HVCN1: variants seen among roughly 807,000 people sequenced by gnomAD.
HVCN1 encodes hydrogen voltage gated channel 1.
In HVCN1, 14 loss-of-function variants were observed where a neutral mutation model predicts 29.2. The observed-to-expected ratio is 0.48, with a 90% CI of 0.32 to 0.75. The LOEUF (loss-of-function observed/expected upper bound fraction) is 0.75, where lower values mean the gene tolerates loss of function less well. HVCN1 is among the 30% of genes least tolerant of loss of function. HVCN1 has a pLI of 0.04. For synonymous variants in HVCN1, 131 were observed against 133.2 expected (o/e 0.98, Z 0.11); for missense variants, 263 against 341.8 (o/e 0.77, Z 1.82).
chr12:110,674,293 AC>A (rs377280211), intron 3 of HVCN1, among the ~76,000 whole-genome samples: 10 of 152,010 alleles, frequency 6.6e-5, no homozygotes, highest in Admixed American at 5.9e-4. Flanking sequence ...AATACCTGTA[AC>A]CCCCCTGCAT....
intron 4 of HVCN1, among the ~76,000 whole-genome samples, chr12:110,660,754 T>C (rs954955299): frequency 4.6e-5 from 7 of 152,198 alleles, no homozygotes; most frequent in African/African-American, 1.7e-4. Flanking sequence ...GATTTGCCTG[T>C]TCTAGATGTT....
intron 3 of HVCN1, among the ~76,000 whole-genome samples, chr12:110,679,669 A>C (rs568708081): frequency 2.0e-5 from 3 of 151,896 alleles, no homozygotes. Context: ...CTGGCTAACA[A>C]GGTGAAACCC....
At chr12:110,704,699 C>T (rs2136519387) in intron 1 of HVCN1, among the ~76,000 whole-genome samples, 1 of 152,228 alleles carries the variant, frequency 6.6e-6, no homozygotes, top group South Asian at 2.1e-4. Flanking sequence ...AACACACCTC[C>T]CCAGGTAAAC....
intron 7 of HVCN1, among the ~76,000 whole-genome samples, chr12:110,649,851 TC>T (rs1474370799): frequency 1.3e-5 from 2 of 151,898 alleles, no homozygotes; most frequent in Admixed American, 1.3e-4. Context: ...TTCCCAGATA[TC>T]TTTTTTTTTT....
At chr12:110,690,670 G>GT (rs1459552473), upstream of HVCN1, among the ~76,000 whole-genome samples, 1 of 152,072 alleles carries the variant, frequency 6.6e-6, no homozygotes, top group African/African-American at 2.4e-5. Context: ...TAGAGACGGG[G>GT]TTTTACCATG....
In HVCN1 at chr12:110,661,702, G is replaced by A. The variant is rs967114308; in HGVS notation, c.22-254C>T. 3.4e-4 allele frequency among the ~76,000 whole-genome samples: 52 copies of A among 152,320 alleles called. 1 individual carries two copies. The highest frequency in any genetic ancestry group is 3.3e-3 in the Admixed American group (51 of 15,306). ...TGTGGTCTGGTTGGCAGTAACCAAC[G>A]GAATCAGTACTGCAGCCCGGTCCCA... On this transcript the variant is annotated intron_variant, in intron 3 of 7. Coordinates refer to ENST00000242607, the MANE Select transcript of HVCN1 (RefSeq NM_032369.4). The surrounding 1 kb of genome is among the most constrained non-coding windows in gnomAD (Gnocchi z 6.2).
intron 5 of HVCN1, among the ~76,000 whole-genome samples, chr12:110,652,025 A>G (rs2067830782): frequency 6.6e-6 from 1 of 152,240 alleles, no homozygotes; most frequent in African/African-American, 2.4e-5. Context: ...TGAATGAATG[A>G]ATGGAGGCAG....
chr12:110,664,044 G>A (rs1015161312), intron 3 of HVCN1, among the ~76,000 whole-genome samples: 4 of 151,966 alleles, frequency 2.6e-5, no homozygotes, highest in Admixed American at 2.0e-4. Context: ...CAACCTCCCG[G>A]GTAGTTTGGA....
At chr12:110,655,562 C>CT (rs2067961459) in intron 4 of HVCN1, among the ~76,000 whole-genome samples, 1 of 152,226 alleles carries the variant, frequency 6.6e-6, no homozygotes, top group African/African-American at 2.4e-5. Context: ...CGCCACCCTC[C>CT]TGGCCTGCTC....
intron 5 of HVCN1, among the ~76,000 whole-genome samples, chr12:110,653,619 A>G (rs894269031): frequency 2.6e-5 from 4 of 152,100 alleles, no homozygotes; most frequent in Non-Finnish European, 5.9e-5. Context: ...AAGTGGGCAG[A>G]TCACTTGAGG....
At chr12:110,694,261 T>C (rs2069456021), upstream of HVCN1, among the ~76,000 whole-genome samples, 1 of 152,180 alleles carries the variant, frequency 6.6e-6, no homozygotes. The surrounding 1 kb of genome is among the most constrained non-coding windows in gnomAD (Gnocchi z 4.6). Flanking sequence ...AGGGTCTCAC[T>C]ATGTTGCCTA....
At chr12:110,695,733 C>A (rs995985666) in intron 2 of HVCN1, among the ~76,000 whole-genome samples, 5 of 152,158 alleles carry the variant, frequency 3.3e-5, no homozygotes, top group Non-Finnish European at 7.3e-5. Context: ...AGAGGGACAA[C>A]CTTTTCAGAA....
intron 3 of HVCN1, among the ~76,000 whole-genome samples, chr12:110,665,883 G>C (rs1418554057): frequency 1.3e-5 from 2 of 152,164 alleles, no homozygotes; most frequent in East Asian, 3.9e-4. Flanking sequence ...GCACATGCCT[G>C]TAATCCCAGC....
At chr12:110,685,207 T>C (rs955930396) in intron 2 of HVCN1, among the ~76,000 whole-genome samples, 2 of 152,146 alleles carry the variant, frequency 1.3e-5, no homozygotes, top group African/African-American at 4.8e-5. Context: ...AAGAAGAGAT[T>C]GTGAGGACAG....
intron 2 of HVCN1, among the ~76,000 whole-genome samples, chr12:110,701,788 C>T (rs990505989): frequency 1.3e-5 from 2 of 150,752 alleles, no homozygotes; most frequent in Non-Finnish European, 3.0e-5. Flanking sequence ...ACCTGGGAGG[C>T]GAAGGTTGCA....
chr12:110,659,767 C>T (rs937441180), intron 4 of HVCN1, among the ~76,000 whole-genome samples: 1 of 151,700 alleles, frequency 6.6e-6, no homozygotes, highest in Admixed American at 6.6e-5. Flanking sequence ...AAAAAAAGCC[C>T]TTCTAAATGG....
chr12:110,677,953 G>A (rs2136402867), intron 3 of HVCN1, among the ~76,000 whole-genome samples: 1 of 152,328 alleles, frequency 6.6e-6, no homozygotes, highest in Admixed American at 6.5e-5. Context: ...TGGCAGGGCT[G>A]CATACAGACT....
chr12:110,653,454 G>A (rs988796049), intron 5 of HVCN1, among the ~76,000 whole-genome samples: 1 of 150,130 alleles, frequency 6.7e-6, no homozygotes, highest in African/African-American at 2.5e-5. Context: ...GCAAGACTCT[G>A]TCTCAAGTAA....
At chr12:110,660,626 A>G (rs2068138108) in intron 4 of HVCN1, among the ~76,000 whole-genome samples, 2 of 152,236 alleles carry the variant, frequency 1.3e-5, no homozygotes, top group African/African-American at 2.4e-5. Flanking sequence ...ACTTAGTGGC[A>G]TTCAGTCCAT....
Sources: allele counts gnomAD v4.1 joint callset (sites outside exome capture counted in the v4.1 genomes callset), GRCh38; gene constraint gnomAD v4.1.1; non-coding constraint Gnocchi (gnomAD v3.1); transcripts MANE v1.5; gene names NCBI Gene and HGNC (gene_info 2026-07-23, HGNC 2026-07-21).